IL1RAPL1: variants seen among roughly 807,000 people sequenced by gnomAD.
IL1RAPL1 encodes interleukin-1 receptor accessory protein-like 1.
A neutral mutation model predicts 48.4 loss-of-function variants in IL1RAPL1; 3 were observed. The observed-to-expected ratio is 0.06, with a 90% CI of 0.03 to 0.16. The LOEUF (loss-of-function observed/expected upper bound fraction) is 0.16, where lower values mean the gene tolerates loss of function less well. Among genes scored for constraint, IL1RAPL1 ranks in the 10% least tolerant of loss-of-function variants. The pLI, the probability that IL1RAPL1 is intolerant of heterozygous loss-of-function variation, is 1.00. For synonymous variants in IL1RAPL1, 185 were observed against 187.7 expected (o/e 0.99, Z 0.12); for missense variants, 349 against 530.6 (o/e 0.66, Z 3.36).
At chrX:29,847,841 C>T (rs7880831) in intron 6 of IL1RAPL1, among the ~76,000 whole-genome samples, 1,909 of 111,444 alleles carry the variant, frequency 0.017, 41 homozygotes, top group African/African-American at 0.056. Context: ...GTTACTTCCC[C>T]GTGCTTTTTC....
chrX:28,667,640 C>T (rs942012651), intron 1 of IL1RAPL1, among the ~76,000 whole-genome samples: 5 of 112,148 alleles, frequency 4.5e-5, no homozygotes, highest in African/African-American at 1.6e-4. Flanking sequence ...ATGTTCTGAA[C>T]CTGTCTTAGG....
intron 2 of IL1RAPL1, among the ~76,000 whole-genome samples, chrX:28,803,778 A>G (rs894817580): frequency 1.8e-5 from 2 of 112,256 alleles, no homozygotes; most frequent in African/African-American, 6.5e-5. Flanking sequence ...GTGTACACCA[A>G]TGTTAACAAG....
At chrX:29,782,096 G>GTCTATCTATCTATCTA (rs1464490641) in intron 6 of IL1RAPL1, among the ~76,000 whole-genome samples, 307 of 90,472 alleles carry the variant, frequency 3.4e-3, no homozygotes, top group East Asian at 6.9e-3. Flanking sequence ...CTGTCTGTCT[G>GTCTATCTATCTATCTA]TCTGTCTATC....
intron 3 of IL1RAPL1, among the ~76,000 whole-genome samples, chrX:29,332,095 C>CTTTTTTTTTTTTTTTT (rs72360733): frequency 1.1e-4 from 3 of 27,889 alleles, no homozygotes; most frequent in Non-Finnish European, 1.3e-4. Flanking sequence ...ATTCTAAGGT[C>CTTTTTTTTTTTTTTTT]TTTTTTTTTT....
chrX:29,197,689 G>C (rs1242617739), intron 2 of IL1RAPL1, among the ~76,000 whole-genome samples: 1 of 108,455 alleles, frequency 9.2e-6, no homozygotes, highest in Non-Finnish European at 1.9e-5. Flanking sequence ...AGTTCTTTAA[G>C]GAGGTATTTC....
chrX:29,268,080 A>G (rs937076078), intron 2 of IL1RAPL1, among the ~76,000 whole-genome samples: 3 of 111,615 alleles, frequency 2.7e-5, no homozygotes, highest in Non-Finnish European at 5.6e-5. Flanking sequence ...TTTATCCAGC[A>G]GAACAATCTC....
intron 2 of IL1RAPL1, among the ~76,000 whole-genome samples, chrX:29,094,942 T>C (rs776028531): frequency 9.2e-6 from 1 of 109,222 alleles, no homozygotes; most frequent in East Asian, 2.8e-4. Context: ...ATTTTTAATT[T>C]CAGTTAAGTG....
intron 3 of IL1RAPL1, among the ~76,000 whole-genome samples, chrX:29,354,147 A>G (rs1321141796): frequency 3.6e-5 from 4 of 111,011 alleles, no homozygotes; most frequent in Admixed American, 9.7e-5. Context: ...CATGAGGACA[A>G]AGAAGCTCAG....
At chrX:28,864,418 A>G (rs775006546) in intron 2 of IL1RAPL1, among the ~76,000 whole-genome samples, 1 of 112,529 alleles carries the variant, frequency 8.9e-6, no homozygotes, top group South Asian at 3.6e-4. Context: ...AAAGTAAGAT[A>G]ACAAATGAGT....
intron 2 of IL1RAPL1, among the ~76,000 whole-genome samples, chrX:29,050,597 G>T (rs1927072384): frequency 8.9e-6 from 1 of 112,436 alleles, no homozygotes; most frequent in Non-Finnish European, 1.9e-5. Flanking sequence ...GCAATGCTTA[G>T]CACAGTATCT....
At chrX:28,689,247 G>T (rs1275412007) in intron 1 of IL1RAPL1, among the ~76,000 whole-genome samples, 1 of 111,064 alleles carries the variant, frequency 9.0e-6, no homozygotes, top group Non-Finnish European at 1.9e-5. Flanking sequence ...TGGGTCATGG[G>T]TGGGACCAGG....
At chrX:28,996,082 C>T (rs1925717986) in intron 2 of IL1RAPL1, among the ~76,000 whole-genome samples, 1 of 111,409 alleles carries the variant, frequency 9.0e-6, no homozygotes, top group Non-Finnish European at 1.9e-5. Flanking sequence ...ACCCCATGCC[C>T]ATTAGCAGAC....
At chrX:29,634,444 C>T (rs1924900191) in intron 5 of IL1RAPL1, among the ~76,000 whole-genome samples, 1 of 111,400 alleles carries the variant, frequency 9.0e-6, no homozygotes, top group Non-Finnish European at 1.9e-5. Flanking sequence ...GGGTGAGTTA[C>T]TGTACTCAAA....
intron 5 of IL1RAPL1, among the ~76,000 whole-genome samples, chrX:29,455,258 AT>A (rs1298000714): frequency 8.9e-6 from 1 of 111,897 alleles, no homozygotes; most frequent in African/African-American, 3.2e-5. Context: ...GGGAAAAAAA[AT>A]ATCTTACAGA....
chrX:29,557,858 T>A (rs72625536), intron 5 of IL1RAPL1, among the ~76,000 whole-genome samples: 8,822 of 109,711 alleles, frequency 0.08, 650 homozygotes, highest in African/African-American at 0.22. Flanking sequence ...TCCTTTTTTT[T>A]AAAAAAAAAT....
At chrX:28,589,752 A>T (rs1891029871) in intron 1 of IL1RAPL1, among the ~76,000 whole-genome samples, 1 of 112,039 alleles carries the variant, frequency 8.9e-6, no homozygotes, top group East Asian at 2.8e-4. Context: ...CCCTCATAAA[A>T]ATGATGATTG....
chrX:29,709,380 A>T lies in IL1RAPL1; in HGVS notation c.778+40876A>T, dbSNP rs1311363191. On this transcript the variant is annotated intron_variant, in intron 6 of 10. Transcript: ENST00000378993. ...TACATGTGGATATCCAGTTTTTCCA[A>T]CACTATTTTTTTTGGAGAAATCGCC... is the stretch of plus-strand genomic sequence containing the variant. 2.7e-5 allele frequency among the ~76,000 whole-genome samples: 3 copies of T among 111,601 alleles called. No homozygotes were observed. In the East Asian group the frequency reaches 8.4e-4, roughly 31 times the overall value.
chrX:28,587,814 C>T lies in IL1RAPL1; in HGVS notation c.-258C>T, dbSNP rs1052974123. On this transcript the variant is annotated 5_prime_UTR_variant, in exon 1 of 11. Transcript: ENST00000378993. ...TGTATCTTCAGCAAACAATCGGGCA[C>T]TTTGAGAACTAACTGGAGACAGTCT... The T allele has an allele frequency of 9.1e-6, 1 of 109,532 alleles. No homozygotes were observed. The highest frequency in any genetic ancestry group is 1.9e-5 in the Non-Finnish European group (1 of 52,743). The allele number at this position is 109,532 out of a possible 1,213,427, so 9.0% of individuals were successfully genotyped here.
intron 2 of IL1RAPL1, among the ~76,000 whole-genome samples, chrX:29,265,679 T>C (rs1279774651): frequency 4.4e-5 from 4 of 90,765 alleles, no homozygotes; most frequent in Admixed American, 2.7e-4. Flanking sequence ...TGTCCACGTG[T>C]TCTCATTGTT....
Sources: gnomAD v4.1 joint callset for allele counts (sites outside exome capture counted in the v4.1 genomes callset) on GRCh38, gnomAD v4.1.1 for gene constraint, MANE v1.5 for transcripts, NCBI Gene and HGNC (gene_info 2026-07-23, HGNC 2026-07-21) for gene names.